The following KDM5B variants were observed in gnomAD, a reference collection of about 807,000 sequenced individuals.
KDM5B encodes lysine-specific demethylase 5B.
Under a neutral mutation model 193.4 loss-of-function variants are expected in KDM5B, and 144 were observed. That is an observed-to-expected ratio of 0.74 (90% CI 0.65 to 0.86). KDM5B has a LOEUF of 0.86. Among genes scored for constraint, KDM5B ranks in the 40% least tolerant of loss-of-function variants. The pLI, the probability that KDM5B is intolerant of heterozygous loss-of-function variation, is 0.00. For missense variants in KDM5B, 1,833 were observed against 1,886.9 expected, an observed-to-expected ratio of 0.97 and a Z score of 0.53; for synonymous variants, 668 against 682.6, an observed-to-expected ratio of 0.98 and a Z score of 0.33.
At chr1:202,747,187 G>A (rs1480044341) in intron 14 of KDM5B, among the ~76,000 whole-genome samples, 2 of 152,134 alleles carry the variant, frequency 1.3e-5, no homozygotes, top group East Asian at 3.9e-4. Flanking sequence ...CAACAAAGAT[G>A]AGGAAGGTAA....
Position 202,774,751 on chromosome 1 carries a change from T to C in KDM5B, c.283-16A>G, listed in dbSNP as rs377742203. Reference sequence around the variant, plus strand: ...GAGTTTGGGCCTAAAAGACAAAGAATTGAGTTTTCATCTCATTTAGCTTAT... The same window carrying C: ...GAGTTTGGGCCTAAAAGACAAAGAACTGAGTTTTCATCTCATTTAGCTTAT... On this transcript the variant is annotated splice_polypyrimidine_tract_variant and intron_variant, in intron 2 of 26. Transcript: ENST00000367265. 4.3e-6 allele frequency: 7 copies of C among 1,610,702 alleles called. No individual in the cohort carries two copies. The highest frequency in any genetic ancestry group is 4.5e-5 in the East Asian group (2 of 44,850).
intron 26 of KDM5B, 25 bp downstream of exon 26, chr1:202,729,682 C>T (rs1412879207): frequency 1.9e-6 from 3 of 1,594,078 alleles, no homozygotes; most frequent in South Asian, 2.3e-5. Context: ...GAAAGCACGT[C>T]CTCTATGGCC....
chr1:202,764,422 A>C (rs1434748017), intron 5 of KDM5B, among the ~76,000 whole-genome samples: 1 of 152,176 alleles, frequency 6.6e-6, no homozygotes, highest in East Asian at 1.9e-4. Flanking sequence ...AGATCACTTA[A>C]GGTCAGGAGT....
At chr1:202,807,681 C>G (rs1222994622) in intron 1 of KDM5B, among the ~76,000 whole-genome samples, 1 of 149,914 alleles carries the variant, frequency 6.7e-6, no homozygotes, top group African/African-American at 2.4e-5. Context: ...CCCCCGCACC[C>G]CGGGAGCGGA....
intron 9 of KDM5B, among the ~76,000 whole-genome samples, chr1:202,757,282 G>A (rs1428614652): frequency 6.6e-6 from 1 of 152,192 alleles, no homozygotes; most frequent in East Asian, 1.9e-4. Context: ...ACAGGCCACC[G>A]ACTGGTATTG....
intron 4 of KDM5B, among the ~76,000 whole-genome samples, chr1:202,767,942 C>A (rs935683010): frequency 6.6e-6 from 1 of 152,114 alleles, no homozygotes; most frequent in Admixed American, 6.6e-5. Flanking sequence ...AATAAGGAAT[C>A]CAATATGTTT....
rs184475699 is a variant in KDM5B, at chr1:202,730,953, G to C, written c.4132C>G (p.Gln1378Glu). Residue 1378 changes from glutamine (Q) to glutamate (E), a missense_variant, in exon 25 of 27, where the codon CAG becomes GAG. Gln to Glu is a conservative substitution (Grantham distance 29). This residue lies in a region of KDM5B where 1,379 missense variants were observed against 1,349.6 expected (regional missense o/e 1.02). Coordinates refer to ENST00000367265, the MANE Select transcript of KDM5B (RefSeq NM_006618.5). ...ACTGGTGAGCTTCGGTCAGTCTGCT[G>C]AGCAGGGCTTGGCTTTGCAAGTAAA... ...QTLLAKPSPA[Q>E]QTDRSSPVRP... The C allele has an allele frequency of 1.1e-5, 17 of 1,613,444 alleles. No individual in the cohort carries two copies. The East Asian group carries it at 3.3e-4, about 32-fold the overall frequency.
intron 12 of KDM5B, among the ~76,000 whole-genome samples, chr1:202,752,510 C>T (rs1172073363): frequency 2.6e-5 from 4 of 152,174 alleles, no homozygotes; most frequent in African/African-American, 7.2e-5. Flanking sequence ...AGAACATATC[C>T]CTGTTGTTAG....
intron 1 of KDM5B, among the ~76,000 whole-genome samples, chr1:202,799,429 G>A (rs868436137): frequency 6.6e-5 from 10 of 152,110 alleles, no homozygotes; most frequent in South Asian, 2.1e-4. Context: ...CGAGGTGGGC[G>A]GGTCACCTGA....
chr1:202,760,904 T>A (rs911976080), intron 7 of KDM5B, among the ~76,000 whole-genome samples: 1 of 152,138 alleles, frequency 6.6e-6, no homozygotes, highest in African/African-American at 2.4e-5. Flanking sequence ...GGCACGTGTC[T>A]GTAGTTCCAA....
chr1:202,795,914 G>C (rs896132501), intron 1 of KDM5B: 1 of 152,196 alleles, frequency 6.6e-6, no homozygotes, highest in East Asian at 1.9e-4. Flanking sequence ...ATAAAATATA[G>C]GGAGTAAAAT....
chr1:202,727,469 A>G lies in KDM5B; in HGVS notation c.*1567T>C, dbSNP rs996270277. The G allele has an allele frequency of 7.2e-5, 11 of 152,650 alleles. No homozygotes were observed. The highest frequency in any genetic ancestry group is 9.6e-5 in the African/African-American group (4 of 41,454). 9.5% of individuals were successfully genotyped at this position (152,650 alleles called of 1,614,324 possible). A position where few individuals can be genotyped will look rare whatever the true frequency, so the allele number is the denominator to read the frequency against. On this transcript the variant is annotated 3_prime_UTR_variant, in exon 27 of 27. Coordinates refer to ENST00000367265, the MANE Select transcript of KDM5B (RefSeq NM_006618.5). ...GGGAGGGTACATTTAAACCTCTGCT[A>G]TATCACAAACTGCTGTTTTTGTTGT...
chr1:202,736,440 T>C, intron 20 of KDM5B, 48 bp from the exon 21 acceptor site: 1 of 1,413,750 alleles, frequency 7.1e-7, no homozygotes, highest in Non-Finnish European at 9.5e-7. Flanking sequence ...AGAACACTTC[T>C]ATGAAAAACA....
In KDM5B at chr1:202,773,307, T is replaced by C. The variant is rs1328070225; in HGVS notation, c.406-19A>G. The C allele has an allele frequency of 2.5e-6, 4 of 1,609,422 alleles. No homozygotes were observed. The highest frequency in any genetic ancestry group is 2.2e-5 in the East Asian group (1 of 44,862). ...CAACTAACTGTTAAAATAGCAAAAT[T>C]AGAAACAACTATATGGAAGTCACTT... On this transcript the variant is annotated intron_variant, in intron 3 of 26. Transcript: ENST00000367265.
intron 2 of KDM5B, among the ~76,000 whole-genome samples, chr1:202,775,334 G>A (rs1194585966): frequency 2.6e-5 from 4 of 151,168 alleles, no homozygotes; most frequent in African/African-American, 4.9e-5. Context: ...TCAGGAGTTC[G>A]AGACCAGCCT....
At chr1:202,806,721 C>A (rs954568462) in intron 1 of KDM5B, 7 of 151,716 alleles carry the variant, frequency 4.6e-5, no homozygotes, top group Non-Finnish European at 8.8e-5. Context: ...CAAAACATAA[C>A]GATTACAAAC....
chr1:202,741,853 TAAC>T, intron 18 of KDM5B, 131 bp from the exon 19 acceptor site: 2 of 619,230 alleles, frequency 3.2e-6, no homozygotes, highest in Non-Finnish European at 5.6e-6. Context: ...GTAAATAAGA[TAAC>T]ACATAAGCCA....
intron 6 of KDM5B, among the ~76,000 whole-genome samples, chr1:202,763,720 CTA>C (rs769827358): frequency 2.0e-5 from 3 of 152,122 alleles, no homozygotes; most frequent in African/African-American, 4.8e-5. Flanking sequence ...TCAAAGGCAC[CTA>C]TGTTTTTCAC....
chr1:202,744,722 TGTG>T (rs1655483703), intron 16 of KDM5B, among the ~76,000 whole-genome samples: 1 of 152,250 alleles, frequency 6.6e-6, no homozygotes, highest in East Asian at 1.9e-4. Flanking sequence ...GTTCAACGAT[TGTG>T]GAAGACAGTG....
Sources: allele counts gnomAD v4.1 joint callset (sites outside exome capture counted in the v4.1 genomes callset), GRCh38; gene constraint gnomAD v4.1.1; regional missense constraint gnomAD v4.1.1; transcripts MANE v1.5; gene names NCBI Gene and HGNC (gene_info 2026-07-23, HGNC 2026-07-21).